FBN3: variants seen among roughly 807,000 people sequenced by gnomAD.
The protein encoded by FBN3 is fibrillin 3.
A neutral mutation model predicts 330.1 loss-of-function variants in FBN3; 234 were observed. The observed-to-expected ratio is 0.71, with a 90% CI of 0.64 to 0.79. The LOEUF is 0.79. Among genes scored for constraint, FBN3 ranks in the 30% least tolerant of loss-of-function variants. The pLI, the probability that FBN3 is intolerant of heterozygous loss-of-function variation, is 0.00. For missense variants in FBN3, 3,606 were observed against 3,886.9 expected (o/e 0.93, Z 1.92); for synonymous variants, 1,458 against 1,517.3 (o/e 0.96, Z 0.91).
At chr19:8,135,064 G>A (rs180740244) in intron 13 of FBN3, among the ~76,000 whole-genome samples, 18 of 150,530 alleles carry the variant, frequency 1.2e-4, no homozygotes, top group African/African-American at 3.2e-4. Context: ...CTGCAGCCCC[G>A]AACTCCTGGG....
At chr19:8,130,763 G>A (rs1280271245) in intron 16 of FBN3, among the ~76,000 whole-genome samples, 2 of 151,392 alleles carry the variant, frequency 1.3e-5, no homozygotes, top group Non-Finnish European at 2.9e-5. Context: ...AGCTACTCAG[G>A]TGGTATCACT....
intron 3 of FBN3, 34 bp from the exon 4 acceptor site, chr19:8,146,259 G>T (rs763771941): frequency 6.5e-7 from 1 of 1,548,432 alleles, no homozygotes; most frequent in South Asian, 1.2e-5. Context: ...GTCAAGACCA[G>T]GACCGAGCCT....
At position 8,110,916 on chromosome 19, in the gene FBN3, T is replaced by C. The variant is rs751529785; in HGVS notation, c.4262A>G (p.Asn1421Ser). 3.7e-6 allele frequency: 6 copies of C among 1,614,162 alleles called. No individual in the cohort carries two copies. In the South Asian group the frequency reaches 6.6e-5, roughly 18 times the overall value. Residue 1421 changes from asparagine (N) to serine (S), a missense_variant, in exon 34 of 64, where the codon AAC becomes AGC. Physicochemically the swap from Asn to Ser is conservative, Grantham distance 46 (BLOSUM62 1). Transcript: ENST00000600128. ...GATGCAGCGGAACATTCCAGGCAGG[T>C]TCTCACAGCTCCCAAATGCACAGAG... ...GNLCAFGSCE[N>S]LPGMFRCICN...
chr19:8,147,640 C>G (rs72993531), intron 1 of FBN3, 143 bp from the exon 2 acceptor site: 1 of 574,502 alleles, frequency 1.7e-6, no homozygotes, highest in Non-Finnish European at 2.8e-6. Flanking sequence ...CAGCCCCAAC[C>G]GGGAAGCGGT....
In FBN3 at chr19:8,098,397, G is replaced by A. The variant is rs535439083; in HGVS notation, c.5162-983C>T. On this transcript the variant is annotated intron_variant, in intron 41 of 63. Transcript: ENST00000600128. ...ACCTAAGTGCCCATCAATAGGGGAC[G>A]GGAAACAACCTAAACAGGCATCAGT... is the stretch of plus-strand genomic sequence containing the variant. Among the ~76,000 whole-genome samples, 88 of 144,396 alleles carry A rather than the reference G, an allele frequency of 6.1e-4. 1 individual carries two copies. The highest frequency in any genetic ancestry group is 3.8e-3 in the Middle Eastern group (1 of 264). 94.7% of individuals were successfully genotyped at this position (144,396 alleles called of 152,430 possible). A position where few individuals can be genotyped will look rare whatever the true frequency, so the allele number is the denominator to read the frequency against.
At chr19:8,098,186 A>G (rs924718869) in intron 41 of FBN3, among the ~76,000 whole-genome samples, 7 of 152,192 alleles carry the variant, frequency 4.6e-5, no homozygotes, top group Admixed American at 3.9e-4. Context: ...CTAAATGTCC[A>G]TCAGTAGGGG....
Position 8,087,765 on chromosome 19 carries a change from T to C in FBN3, c.6619+60A>G, listed in dbSNP as rs990332179. On this transcript the variant is annotated intron_variant, in intron 53 of 63. Coordinates refer to ENST00000600128, the MANE Select transcript of FBN3 (RefSeq NM_032447.5). ...CTGGGATTACAGGCGTGTGCCACCA[T>C]GCCCAGCTAATTTTGTATTTTTAGT... The C allele has an allele frequency of 6.1e-6, 9 of 1,475,030 alleles. No homozygotes were observed. In the African/African-American group the frequency reaches 9.8e-5, roughly 16 times the overall value. The allele number at this position is 1,475,030 out of a possible 1,614,324, so 91.4% of individuals were successfully genotyped here.
At position 8,141,699 on chromosome 19, in the gene FBN3, C is replaced by A. The variant is rs372310303; in HGVS notation, c.865+18G>T. ...AGTCACAGAGGAGGTCTCAGGTTGT[C>A]CCCCTCCAGTCACCCACCTTCACAT... On this transcript the variant is annotated intron_variant, in intron 8 of 63. Coordinates refer to ENST00000600128, the MANE Select transcript of FBN3 (RefSeq NM_032447.5). 2.5e-5 allele frequency: 40 copies of A among 1,606,014 alleles called. No homozygotes were observed. The highest frequency in any genetic ancestry group is 3.1e-5 in the Non-Finnish European group (37 of 1,175,460).
At chr19:8,126,911 G>C (rs562762055) in intron 18 of FBN3, 79 bp from the exon 19 acceptor site, 377 of 1,485,208 alleles carry the variant, frequency 2.5e-4, no homozygotes, top group Non-Finnish European at 3.2e-4. Context: ...CTCCCCAAGG[G>C]GCCGCCGCAA....
At chr19:8,094,715 G>A in intron 46 of FBN3, 150 bp from the exon 47 acceptor site, 2 of 805,576 alleles carry the variant, frequency 2.5e-6, no homozygotes, top group Admixed American at 2.9e-5. Flanking sequence ...GGCAAGGGCT[G>A]AGACTCAGGA....
At position 8,117,479 on chromosome 19, in the gene FBN3, G is replaced by A. The variant is rs1310422878; in HGVS notation, c.3448C>T (p.Arg1150Cys). Residue 1150 changes from arginine (R) to cysteine (C), a missense_variant, in exon 27 of 64, where the codon CGC (arginine) becomes TGC (cysteine). Arg to Cys is a radical substitution (Grantham distance 180, BLOSUM62 -3). Transcript: ENST00000600128. The stretch of plus-strand genomic sequence containing the variant: ...ACAGTCTCACCCACGCAGCCCTGGC[G>A]GTCAGGTGTGCTCTGGAAGCCGGCA... ...CHAGFQSTPD[R>C]QGCVDINECR... The A allele has an allele frequency of 1.5e-5, 23 of 1,560,794 alleles. No individual in the cohort carries two copies. Among genetic ancestry groups the A allele is most frequent in the African/African-American group, 5.4e-5 (4 of 73,668 alleles).
At position 8,089,633 on chromosome 19, in the gene FBN3, A is replaced by G. The variant is rs2082047629; in HGVS notation, c.6288T>C (p.Thr2096=). 1 of 1,614,214 alleles carries G rather than the reference A, an allele frequency of 6.2e-7. No homozygotes were observed. The highest frequency in any genetic ancestry group is 1.7e-5 in the Admixed American group (1 of 60,024). ...NECAENPGVC[T]NGVCVNTDGS... is the part of the protein sequence containing the mutation. ...CATCGGTGTTGACACAGACGCCGTT[A>G]GTGCAGACGCCAGGGTTCTCTGCAC... The change falls in exon 51 of 64, where the codon ACT becomes ACC. Residue 2096 remains threonine, a synonymous_variant. Coordinates refer to ENST00000600128, the MANE Select transcript of FBN3 (RefSeq NM_032447.5).
At chr19:8,115,377 A>T in intron 30 of FBN3, 138 bp downstream of exon 30, 1 of 1,163,862 alleles carries the variant, frequency 8.6e-7, no homozygotes, top group Non-Finnish European at 1.2e-6. Flanking sequence ...TTCTTGCTTT[A>T]ACACAAGAAG....
In FBN3 at chr19:8,111,089, A is replaced by C; in HGVS notation, c.4179T>G (p.Phe1393Leu). 6.2e-7 allele frequency: 1 copy of C among 1,613,510 alleles called. No homozygotes were observed. Among genetic ancestry groups the C allele is most frequent in the Non-Finnish European group, 8.5e-7 (1 of 1,179,686 alleles). Residue 1393 changes from phenylalanine (F) to leucine (L), a missense_variant, in exon 33 of 64, where the codon TTT (phenylalanine) becomes TTG (leucine). Coordinates refer to ENST00000600128, the MANE Select transcript of FBN3 (RefSeq NM_032447.5). ...GGYRCECEMGFDPTEDHRACQ... is the reference protein window; with the variant it reads ...GGYRCECEMGLDPTEDHRACQ... Reference sequence around the variant, plus strand: ...AGGCCCGGTGGTCCTCGGTGGGGTCAAAGCCCATCTCACATTCACAGCGGT... The same window carrying C: ...AGGCCCGGTGGTCCTCGGTGGGGTCCAAGCCCATCTCACATTCACAGCGGT...
rs1332242361 is a variant in FBN3, at chr19:8,087,834, T to C, written c.6610A>G (p.Met2204Val). Residue 2204 changes from methionine to valine, a missense_variant, in exon 53 of 64, where the codon ATG becomes GTG. Transcript: ENST00000600128. The part of the protein sequence containing the change: ...AGYTLREDGA[M>V]CRDVDECADG... ...TATTAGTCAGGCCTACCTCGACACA[T>C]GGCCCCATCCTCCCGCAGGGTGTAG... 2 of 1,613,890 alleles carry C rather than the reference T, an allele frequency of 1.2e-6. No homozygotes were observed. Among genetic ancestry groups the C allele is most frequent in the East Asian group, 2.2e-5 (1 of 44,868 alleles).
intron 40 of FBN3, among the ~76,000 whole-genome samples, chr19:8,102,204 C>T (rs2082341817): frequency 6.7e-6 from 1 of 148,390 alleles, no homozygotes; most frequent in Admixed American, 6.9e-5. Flanking sequence ...TAAAGTCCTC[C>T]TTTTTTTTTA....
chr19:8,104,157 C>T (rs12974290), intron 38 of FBN3, among the ~76,000 whole-genome samples: 64,026 of 122,430 alleles, frequency 0.52, 16,579 homozygotes, highest in Middle Eastern at 0.72. Flanking sequence ...AACAATATGA[C>T]ATTAAGTGAA....
At chr19:8,120,928 G>A (rs1343020005) in intron 25 of FBN3, among the ~76,000 whole-genome samples, 1 of 152,194 alleles carries the variant, frequency 6.6e-6, no homozygotes, top group East Asian at 1.9e-4. Context: ...AATGAATAAC[G>A]AAGTCAATGA....
chr19:8,135,936 G>GGGGGGGGGGCCCCCCCCCC, intron 13 of FBN3, 25 bp downstream of exon 13: 2 of 668,756 alleles, frequency 3.0e-6, no homozygotes, highest in Non-Finnish European at 4.8e-6. Flanking sequence ...GGAAGCCCCT[G>GGGGGGGGGGCCCCCCCCCC]CCCACCCGCC....
Sources: allele counts gnomAD v4.1 joint callset (sites outside exome capture counted in the v4.1 genomes callset), GRCh38; gene constraint gnomAD v4.1.1; transcripts MANE v1.5; gene names NCBI Gene and HGNC (gene_info 2026-07-23, HGNC 2026-07-21).